The following PAPPA2 variants were observed in gnomAD, a reference collection of about 807,000 sequenced individuals.
The protein encoded by PAPPA2 is pappalysin-2.
A neutral mutation model predicts 176.4 loss-of-function variants in PAPPA2; 86 were observed. That is an observed-to-expected ratio of 0.49 (90% CI 0.41 to 0.58). PAPPA2 has a LOEUF of 0.58. Among genes scored for constraint, PAPPA2 ranks in the 20% least tolerant of loss-of-function variants. The pLI is 0.00. For missense variants in PAPPA2, 2,073 were observed against 2,256.9 expected, an observed-to-expected ratio of 0.92 and a Z score of 1.65; for synonymous variants, 809 against 852.2, an observed-to-expected ratio of 0.95 and a Z score of 0.88.
intron 20 of PAPPA2, among the ~76,000 whole-genome samples, chr1:176,795,229 T>C (rs865868978): frequency 3.9e-5 from 6 of 152,270 alleles, no homozygotes; most frequent in South Asian, 2.1e-4. Context: ...TTTTCTGCCA[T>C]GCTAATCCCA....
At chr1:176,555,170 G>A (rs1057428715) in intron 1 of PAPPA2, among the ~76,000 whole-genome samples, 1 of 152,130 alleles carries the variant, frequency 6.6e-6, no homozygotes, top group African/African-American at 2.4e-5. Context: ...TGGTGAGGTG[G>A]GTAGGTTTTC....
chr1:176,839,484 T>C (rs1667399773), intron 21 of PAPPA2, among the ~76,000 whole-genome samples: 1 of 152,128 alleles, frequency 6.6e-6, no homozygotes, highest in Non-Finnish European at 1.5e-5. Flanking sequence ...CTGTATCTAG[T>C]TTCTGTGCAT....
chr1:176,565,629 G>A (rs1210141185), intron 2 of PAPPA2, among the ~76,000 whole-genome samples: 3 of 152,194 alleles, frequency 2.0e-5, no homozygotes, highest in East Asian at 3.9e-4. Context: ...TGGTGAGGTC[G>A]AGTCTGCAGT....
chr1:176,842,292 G>A (rs185496156), intron 22 of PAPPA2, 88 bp from the exon 23 acceptor site: 3 of 1,225,644 alleles, frequency 2.4e-6, no homozygotes, highest in East Asian at 4.9e-5. Flanking sequence ...CAGTTCCTCT[G>A]GGACCAAGTG....
intron 2 of PAPPA2, among the ~76,000 whole-genome samples, chr1:176,561,683 A>G (rs1651681907): frequency 6.6e-6 from 1 of 152,210 alleles, no homozygotes; most frequent in East Asian, 1.9e-4. Flanking sequence ...GGAGGCCATA[A>G]AACCTTTTGA....
chr1:176,655,441 A>C (rs1657980557), intron 3 of PAPPA2, among the ~76,000 whole-genome samples: 1 of 151,860 alleles, frequency 6.6e-6, no homozygotes, highest in South Asian at 2.1e-4. Context: ...AGAAACCCCA[A>C]ATAATCACAT....
At chr1:176,591,072 T>C (rs1240206304) in intron 2 of PAPPA2, among the ~76,000 whole-genome samples, 1 of 142,674 alleles carries the variant, frequency 7.0e-6, no homozygotes, top group African/African-American at 2.7e-5. Flanking sequence ...AAAGTAAATA[T>C]AGTCACACAC....
At chr1:176,507,847 C>T (rs1253924595) in intron 1 of PAPPA2, among the ~76,000 whole-genome samples, 2 of 151,832 alleles carry the variant, frequency 1.3e-5, no homozygotes, top group East Asian at 3.9e-4. Context: ...TGCTCACAAC[C>T]TGAGTGCAAT....
At chr1:176,701,713 AC>A (rs1485791308) in intron 8 of PAPPA2, among the ~76,000 whole-genome samples, 2 of 152,146 alleles carry the variant, frequency 1.3e-5, no homozygotes, top group African/African-American at 4.8e-5. Flanking sequence ...GATGGCAGCC[AC>A]TCACAGTAGT....
chr1:176,671,548 G>A (rs115010137), intron 4 of PAPPA2, among the ~76,000 whole-genome samples: 21 of 152,200 alleles, frequency 1.4e-4, no homozygotes, highest in South Asian at 2.1e-4. Flanking sequence ...AATTCAAAAG[G>A]TGGGGCTTGC....
At chr1:176,619,103 A>G (rs1163210716) in intron 3 of PAPPA2, among the ~76,000 whole-genome samples, 3 of 152,214 alleles carry the variant, frequency 2.0e-5, no homozygotes, top group African/African-American at 4.8e-5. Flanking sequence ...GACATACTTC[A>G]TACGGGTATG....
intron 1 of PAPPA2, among the ~76,000 whole-genome samples, chr1:176,494,736 G>A (rs1237904455): frequency 3.9e-5 from 6 of 152,148 alleles, no homozygotes; most frequent in Non-Finnish European, 7.3e-5. Flanking sequence ...CACTCTCTCT[G>A]CACACACTGG....
At chr1:176,738,151 G>A (rs1662505181) in intron 12 of PAPPA2, among the ~76,000 whole-genome samples, 1 of 152,080 alleles carries the variant, frequency 6.6e-6, no homozygotes, top group South Asian at 2.1e-4. Context: ...TTCATGTCTA[G>A]CCCTCATCCA....
chr1:176,508,013 G>C (rs183337432), intron 1 of PAPPA2, among the ~76,000 whole-genome samples: 109 of 152,168 alleles, frequency 7.2e-4, no homozygotes, highest in African/African-American at 2.4e-3. Context: ...TGGGGCATTT[G>C]GTCAAGACCT....
At chr1:176,647,348 C>T (rs1657452124) in intron 3 of PAPPA2, among the ~76,000 whole-genome samples, 1 of 151,560 alleles carries the variant, frequency 6.6e-6, no homozygotes, top group South Asian at 2.1e-4. Context: ...AATATTTTCT[C>T]CCATTCTGTG....
intron 5 of PAPPA2, 63 bp from the exon 6 acceptor site, chr1:176,692,063 T>C: frequency 6.8e-7 from 1 of 1,475,258 alleles, no homozygotes; most frequent in Non-Finnish European, 9.3e-7. Context: ...AATTTATCCC[T>C]GCCTTGGTGG....
rs199524916 is a variant in PAPPA2, at chr1:176,556,692, G to C, written c.370G>C (p.Glu124Gln). Residue 124 changes from glutamate (E) to glutamine (Q), a missense_variant, in exon 2 of 23, where the codon GAG (glutamate) becomes CAG (glutamine). Physicochemically the swap from Glu to Gln is conservative, Grantham distance 29. This residue lies in a region of PAPPA2 where 1,196 missense variants were observed against 1,330.4 expected (regional missense o/e 0.90). Coordinates refer to ENST00000367662, the MANE Select transcript of PAPPA2 (RefSeq NM_020318.3). ...AGCAGGACTGAGGGGTGCAGTTGAA[G>C]AGCCGGCTGCCCCATGGGTAGGGGA... ...NPAGLRGAVE[E>Q]PAAPWVGDSP... 5 of 1,614,158 alleles carry C rather than the reference G, an allele frequency of 3.1e-6. 1 individual carries two copies. Among genetic ancestry groups the C allele is most frequent in the South Asian group, 2.2e-5 (2 of 91,088 alleles).
intron 1 of PAPPA2, among the ~76,000 whole-genome samples, chr1:176,477,954 G>A (rs114131063): frequency 1.2e-4 from 19 of 152,100 alleles, no homozygotes; most frequent in Non-Finnish European, 2.5e-4. Context: ...CTATTTCCAA[G>A]TTAACAGCTG....
chr1:176,504,836 TTA>T (rs1204855880), intron 1 of PAPPA2, among the ~76,000 whole-genome samples: 2 of 152,124 alleles, frequency 1.3e-5, no homozygotes, highest in Non-Finnish European at 2.9e-5. Flanking sequence ...ATAGAACTGT[TTA>T]TGTCTCAGAT....
Sources: gnomAD v4.1 joint callset for allele counts (sites outside exome capture counted in the v4.1 genomes callset) on GRCh38, gnomAD v4.1.1 for gene constraint, gnomAD v4.1.1 regional missense constraint, MANE v1.5 for transcripts, NCBI Gene and HGNC (gene_info 2026-07-23, HGNC 2026-07-21) for gene names.